LHFPL3: variants seen among roughly 807,000 people sequenced by gnomAD.
LHFPL3 encodes the protein LHFPL tetraspan subfamily member 3, also known as LHFPL tetraspan subfamily member 3 protein.
A neutral mutation model predicts 19.3 loss-of-function variants in LHFPL3; 5 were observed. That is an observed-to-expected ratio of 0.26 (90% CI 0.14 to 0.54). The LOEUF (loss-of-function observed/expected upper bound fraction) is 0.54, where lower values mean the gene tolerates loss of function less well. LHFPL3 is among the 20% of genes least tolerant of loss of function. The pLI is 0.94. For missense variants in LHFPL3, 249 were observed against 307.4 expected (o/e 0.81, Z 1.42); for synonymous variants, 133 against 126.2 (o/e 1.05, Z -0.36).
chr7:104,858,039 C>T (rs1791543236), intron 2 of LHFPL3, among the ~76,000 whole-genome samples: 1 of 152,184 alleles, frequency 6.6e-6, no homozygotes, highest in Non-Finnish European at 1.5e-5. Flanking sequence ...CAGAGTATCT[C>T]ACCATCAATA....
chr7:104,746,478 G>C (rs886647820), intron 2 of LHFPL3, among the ~76,000 whole-genome samples: 1 of 152,124 alleles, frequency 6.6e-6, no homozygotes, highest in South Asian at 2.1e-4. Flanking sequence ...AAAAAGCCAA[G>C]GCGCAGAGAG....
intron 1 of LHFPL3, among the ~76,000 whole-genome samples, chr7:104,531,366 G>A (rs531307246): frequency 1.9e-4 from 29 of 152,286 alleles, no homozygotes; most frequent in Non-Finnish European, 3.5e-4. Flanking sequence ...ATAAGAGTTG[G>A]CAAGGACCGG....
intron 1 of LHFPL3, among the ~76,000 whole-genome samples, chr7:104,653,977 G>A (rs887375750): frequency 6.6e-6 from 1 of 152,052 alleles, no homozygotes; most frequent in African/African-American, 2.4e-5. Context: ...AGCTTAATTG[G>A]GAGCAACTTC....
At chr7:104,848,020 A>G (rs35337480) in intron 2 of LHFPL3, among the ~76,000 whole-genome samples, 16,142 of 152,200 alleles carry the variant, frequency 0.11, 1,855 homozygotes, top group East Asian at 0.44. Context: ...AAATCACAGA[A>G]GTGGATCATT....
At chr7:104,624,152 C>T (rs1427402512) in intron 1 of LHFPL3, among the ~76,000 whole-genome samples, 1 of 152,124 alleles carries the variant, frequency 6.6e-6, no homozygotes, top group Non-Finnish European at 1.5e-5. Context: ...AAGTAGTGAC[C>T]TCTCAACTGC....
chr7:104,495,000 T>C (rs1299348831), intron 1 of LHFPL3, among the ~76,000 whole-genome samples: 1 of 152,114 alleles, frequency 6.6e-6, no homozygotes, highest in Non-Finnish European at 1.5e-5. Context: ...CCCCTCCAGA[T>C]CAATCCCCTT....
chr7:104,333,197 A>C (rs1012201577), intron 1 of LHFPL3, among the ~76,000 whole-genome samples: 1 of 152,254 alleles, frequency 6.6e-6, no homozygotes, highest in African/African-American at 2.4e-5. Context: ...TCTAGTGACT[A>C]TAAGCCATAC....
chr7:104,458,351 A>G (rs1584333351), intron 1 of LHFPL3, among the ~76,000 whole-genome samples: 1 of 152,340 alleles, frequency 6.6e-6, no homozygotes, highest in East Asian at 1.9e-4. Flanking sequence ...CAGTTTTCCC[A>G]GCACCATTTA....
At chr7:104,748,728 A>G (rs1360121513) in intron 2 of LHFPL3, among the ~76,000 whole-genome samples, 1 of 152,130 alleles carries the variant, frequency 6.6e-6, no homozygotes, top group East Asian at 1.9e-4. Context: ...ATACTAAGGG[A>G]ACTCAGAGGC....
intron 2 of LHFPL3, among the ~76,000 whole-genome samples, chr7:104,832,447 G>A (rs989336289): frequency 1.3e-5 from 2 of 151,702 alleles, no homozygotes; most frequent in African/African-American, 4.9e-5. Flanking sequence ...TTGTCCAAAT[G>A]TGTCATCGCA....
intron 1 of LHFPL3, among the ~76,000 whole-genome samples, chr7:104,689,696 T>G (rs983412504): frequency 1.3e-5 from 2 of 152,324 alleles, no homozygotes; most frequent in East Asian, 1.9e-4. Flanking sequence ...TCAGACTTTT[T>G]GGGGACTACT....
At chr7:104,781,259 C>A (rs1041219740) in intron 2 of LHFPL3, among the ~76,000 whole-genome samples, 3 of 152,212 alleles carry the variant, frequency 2.0e-5, no homozygotes, top group African/African-American at 7.2e-5. Flanking sequence ...CCCAACCAGT[C>A]AGTGCACAAC....
intron 1 of LHFPL3, among the ~76,000 whole-genome samples, chr7:104,418,954 T>C (rs1188328602): frequency 6.6e-6 from 1 of 152,242 alleles, no homozygotes; most frequent in East Asian, 1.9e-4. Context: ...TACCAATTAT[T>C]GCTTCCATTT....
At position 104,496,198 on chromosome 7, in the gene LHFPL3, C is replaced by G. The variant is rs190028333; in HGVS notation, c.445+166974C>G. Reference sequence around the variant, plus strand: ...TGCGTTCTCGTTGTTCAATTCCCACCTATGAGTGAGAATATGCGGTGTTTG... The same window carrying G: ...TGCGTTCTCGTTGTTCAATTCCCACGTATGAGTGAGAATATGCGGTGTTTG... On this transcript the variant is annotated intron_variant, in intron 1 of 2. Coordinates refer to ENST00000424859, the MANE Select transcript of LHFPL3 (RefSeq NM_199000.3). Among the ~76,000 whole-genome samples, 168 of 152,238 alleles carry G rather than the reference C, an allele frequency of 1.1e-3. 1 individual carries two copies. The highest frequency in any genetic ancestry group is 3.9e-3 in the African/African-American group (160 of 41,554).
chr7:104,634,868 G>C (rs992906211), intron 1 of LHFPL3, among the ~76,000 whole-genome samples: 1 of 152,104 alleles, frequency 6.6e-6, no homozygotes. Context: ...GACAGAAAGG[G>C]ATCATATGAC....
At chr7:104,824,388 TA>T (rs1449134590) in intron 2 of LHFPL3, among the ~76,000 whole-genome samples, 3 of 8,334 alleles carry the variant, frequency 3.6e-4, no homozygotes, top group Admixed American at 2.9e-3. Context: ...ATAATATATA[TA>T]ATTATAGATA....
chr7:104,642,964 T>C (rs747115611), intron 1 of LHFPL3, among the ~76,000 whole-genome samples: 7 of 152,270 alleles, frequency 4.6e-5, no homozygotes, highest in Non-Finnish European at 1.0e-4. Context: ...TTTTACAAAG[T>C]TAAAAGCTTA....
chr7:104,379,291 T>G (rs1406837032), intron 1 of LHFPL3, among the ~76,000 whole-genome samples: 1 of 152,140 alleles, frequency 6.6e-6, no homozygotes, highest in African/African-American at 2.4e-5. Context: ...TAGAGGTAAT[T>G]TGGGGGAACA....
intron 1 of LHFPL3, chr7:104,622,978 T>C (rs1073012): frequency 0.98 from 314,838 of 322,650 alleles, 154,038 homozygotes; most frequent in East Asian, 1. Context: ...TTATTATAGC[T>C]ATCCTGGAGG....
Sources: allele counts gnomAD v4.1 joint callset (sites outside exome capture counted in the v4.1 genomes callset), GRCh38; gene constraint gnomAD v4.1.1; transcripts MANE v1.5; gene names NCBI Gene and HGNC (gene_info 2026-07-23, HGNC 2026-07-21).